RUFY1: variants seen among roughly 807,000 people sequenced by gnomAD.
RUFY1 encodes the protein RUN and FYVE domain containing 1.
RUFY1 carries 54 observed loss-of-function variants against 94.6 expected under a neutral mutation model. The ratio of observed to expected loss-of-function variants is 0.57; its 90% CI spans 0.46 to 0.72. The LOEUF (loss-of-function observed/expected upper bound fraction) is 0.72. Among genes scored for constraint, RUFY1 ranks in the 30% least tolerant of loss-of-function variants. The probability of loss-of-function intolerance (pLI) is 0.00; values close to 1 mark genes in which losing one functional copy is unlikely to be tolerated. For synonymous variants in RUFY1, 396 were observed against 347.3 expected (o/e 1.14, Z -1.56); for missense variants, 883 against 883.9 (o/e 1.00, Z 0.01).
chr5:179,580,245 A>ATATATAT lies in RUFY1; in HGVS notation c.891-701_891-700insATATATT, dbSNP rs59300402. ...TGTGTGTGTGTGTGTGTGTGTGTAT[A>ATATATAT]TTTTTTTTTTTTTTTGAGACGGAGT... On this transcript the variant is annotated intron_variant, in intron 6 of 17. Coordinates refer to ENST00000319449, the MANE Select transcript of RUFY1 (RefSeq NM_025158.5). 2.5e-3 allele frequency among the ~76,000 whole-genome samples: 207 copies of ATATATAT among 81,672 alleles called. 4 individuals carry two copies. Among genetic ancestry groups the ATATATAT allele is most frequent in the East Asian group, 0.017 (62 of 3,592 alleles). 53.6% of individuals were successfully genotyped at this position (81,672 alleles called of 152,430 possible).
chr5:179,607,806 T>G (rs78953166), intron 17 of RUFY1, 147 bp downstream of exon 17: 21,178 of 694,622 alleles, frequency 0.03, 506 homozygotes, highest in Middle Eastern at 0.086. Context: ...CCGCCTCTCC[T>G]GTTTGCCTGT....
At chr5:179,555,179 G>C (rs1348953003) in intron 1 of RUFY1, among the ~76,000 whole-genome samples, 3 of 151,536 alleles carry the variant, frequency 2.0e-5, no homozygotes, top group Non-Finnish European at 4.4e-5. Context: ...CGTGTTTTAA[G>C]AATTAACATG....
At chr5:179,597,382 T>C (rs1765769065) in intron 13 of RUFY1, among the ~76,000 whole-genome samples, 1 of 152,136 alleles carries the variant, frequency 6.6e-6, no homozygotes, top group Non-Finnish European at 1.5e-5. Flanking sequence ...ACTACAGGCA[T>C]CAGCCACCAC....
In RUFY1 at chr5:179,589,538, T is replaced by A; in HGVS notation, c.1027-8T>A. 1 of 1,605,940 alleles carries A rather than the reference T, an allele frequency of 6.2e-7. No homozygotes were observed. Among genetic ancestry groups the A allele is most frequent in the Non-Finnish European group, 8.5e-7 (1 of 1,172,910 alleles). On this transcript the variant is annotated splice_polypyrimidine_tract_variant and splice_region_variant and intron_variant, in intron 8 of 17. Transcript: ENST00000319449. The stretch of plus-strand genomic sequence containing the variant: ...ATGTTAAGAACTGTAAAAATTTTCC[T>A]TAATCAGCTTTCAGCTGCAACAGAC...
intron 7 of RUFY1, among the ~76,000 whole-genome samples, chr5:179,583,913 C>G (rs1373936749): frequency 6.7e-6 from 1 of 149,984 alleles, no homozygotes; most frequent in Non-Finnish European, 1.5e-5. Context: ...CCATGCCCAG[C>G]TAATTTTTTG....
chr5:179,595,084 T>C (rs1369158991), intron 12 of RUFY1, 121 bp downstream of exon 12: 1 of 681,196 alleles, frequency 1.5e-6, no homozygotes, highest in East Asian at 2.8e-5. Flanking sequence ...GGCTCACGCC[T>C]GTAATCCCAA....
chr5:179,564,181 G>A (rs1762652697), intron 3 of RUFY1, among the ~76,000 whole-genome samples: 2 of 148,452 alleles, frequency 1.3e-5, no homozygotes, highest in Non-Finnish European at 3.0e-5. Context: ...ATGCAGTGGC[G>A]TGATCTCGGC....
intron 4 of RUFY1, chr5:179,569,045 T>C: frequency 1.0e-6 from 1 of 984,986 alleles, no homozygotes; most frequent in Non-Finnish European, 1.2e-6. Context: ...CGAGGAGAAC[T>C]GGGGTCCAGG....
Position 179,560,146 on chromosome 5 carries a change from CTT to C in RUFY1, c.433_434del (p.Leu145AlafsTer18). The C allele has an allele frequency of 6.2e-7, 1 of 1,614,054 alleles. No homozygotes were observed. Among genetic ancestry groups the C allele is most frequent in the Non-Finnish European group, 8.5e-7 (1 of 1,179,982 alleles). On this transcript the variant is annotated frameshift_variant, in exon 2 of 18. Coordinates refer to ENST00000319449, the MANE Select transcript of RUFY1 (RefSeq NM_025158.5). LOFTEE classifies it high-confidence loss of function. ...GRSLDADHAP[L>X]QQFFVVMEHC... Reference sequence around the variant, plus strand: ...GCAGCCTGGATGCGGACCATGCCCCCTTGCAGCAGTTCTTTGTAGTGATGGAG... The same window carrying C: ...GCAGCCTGGATGCGGACCATGCCCCCGCAGCAGTTCTTTGTAGTGATGGAG...
At chr5:179,593,903 TAACCCA>T (rs1435934647) in intron 11 of RUFY1, among the ~76,000 whole-genome samples, 1 of 152,216 alleles carries the variant, frequency 6.6e-6, no homozygotes, top group Non-Finnish European at 1.5e-5. Context: ...TGGGTCTTTT[TAACCCA>T]AACCCAAACT....
At chr5:179,563,426 G>C (rs1482009311) in intron 3 of RUFY1, among the ~76,000 whole-genome samples, 1 of 152,286 alleles carries the variant, frequency 6.6e-6, no homozygotes, top group East Asian at 1.9e-4. Context: ...TACAAGTGTG[G>C]GAACTGAGAC....
chr5:179,606,000 C>T (rs1266992330), intron 16 of RUFY1, 76 bp downstream of exon 16: 7 of 982,952 alleles, frequency 7.1e-6, no homozygotes, highest in Non-Finnish European at 1.1e-5. Flanking sequence ...TTTAAGTATC[C>T]CAACAGTCAG....
Position 179,609,540 on chromosome 5 carries a change from AGCCTCACGGACAGTGCCAAACCCTGTGG to A in RUFY1, c.*23_*50del, listed in dbSNP as rs764001689. The A allele has an allele frequency of 8.9e-6, 14 of 1,581,380 alleles. No individual in the cohort carries two copies. In the East Asian group the frequency reaches 2.8e-4, roughly 31 times the overall value. ...CCTGAACGTCCGTCCTCAGGAGCAC[AGCCTCACGGACAGTGCCAAACCCTGTGG>A]GTCTCCAGGGGCTTGGGAAATGTGT... On this transcript the variant is annotated 3_prime_UTR_variant, in exon 18 of 18. Coordinates refer to ENST00000319449, the MANE Select transcript of RUFY1 (RefSeq NM_025158.5).
chr5:179,591,420 G>A (rs1411687781), intron 9 of RUFY1, among the ~76,000 whole-genome samples: 3 of 148,266 alleles, frequency 2.0e-5, no homozygotes, highest in African/African-American at 5.0e-5. Context: ...GCCTGACCTC[G>A]TGATCCGCCC....
intron 7 of RUFY1, among the ~76,000 whole-genome samples, chr5:179,582,255 T>TA (rs1276305217): frequency 3.9e-5 from 6 of 152,004 alleles, no homozygotes; most frequent in Non-Finnish European, 8.8e-5. Context: ...GACAAGGTCT[T>TA]ACTCTGTCAC....
intron 6 of RUFY1, among the ~76,000 whole-genome samples, chr5:179,580,554 T>G (rs1427636253): frequency 5.1e-5 from 4 of 77,770 alleles, no homozygotes; most frequent in South Asian, 1.1e-3. Flanking sequence ...TTTTTTTTGT[T>G]TTTTTTTTTT....
At chr5:179,559,029 G>A (rs1044846876) in intron 1 of RUFY1, among the ~76,000 whole-genome samples, 1 of 152,172 alleles carries the variant, frequency 6.6e-6, no homozygotes, top group Non-Finnish European at 1.5e-5. Flanking sequence ...GTAGTAATTG[G>A]ACAGCTGCAA....
rs1763604037 is a variant in RUFY1 at position 179,576,257 on chromosome 5, A to T, written c.829-818A>T. ...TCACTTATTCATTCTCAAGTGCTTT[A>T]TTTCTTGGCAAAGCCGTTGATGTTT... On this transcript the variant is annotated intron_variant, in intron 5 of 17. Coordinates refer to ENST00000319449, the MANE Select transcript of RUFY1 (RefSeq NM_025158.5). Among the ~76,000 whole-genome samples, 4 of 152,038 alleles carry T rather than the reference A, an allele frequency of 2.6e-5. No homozygotes were observed. The South Asian group carries it at 8.3e-4, about 31-fold the overall frequency.
At chr5:179,596,779 A>C (rs903477756) in intron 13 of RUFY1, 98 bp downstream of exon 13, 3 of 28,322 alleles carry the variant, frequency 1.1e-4, no homozygotes, top group Non-Finnish European at 1.8e-4. Flanking sequence ...GAACGGGAGG[A>C]GGGGGGGCGG....
Sources: gnomAD v4.1 joint callset for allele counts (sites outside exome capture counted in the v4.1 genomes callset) on GRCh38, gnomAD v4.1.1 for gene constraint, MANE v1.5 for transcripts, NCBI Gene and HGNC (gene_info 2026-07-23, HGNC 2026-07-21) for gene names.